PRKN: variants seen among roughly 807,000 people sequenced by gnomAD.
The protein encoded by PRKN is parkin RBR E3 ubiquitin protein ligase, also known as E3 ubiquitin-protein ligase parkin.
A neutral mutation model predicts 59.5 loss-of-function variants in PRKN; 56 were observed. That is an observed-to-expected ratio of 0.94 (90% CI 0.76 to 1.18). The LOEUF (loss-of-function observed/expected upper bound fraction) is 1.18. PRKN is among the 50% of genes most tolerant of loss of function. The pLI, the probability that PRKN is intolerant of heterozygous loss-of-function variation, is 0.00. For synonymous variants in PRKN, 250 were observed against 222.1 expected (o/e 1.13, Z -1.12); for missense variants, 657 against 596.4 (o/e 1.10, Z -1.06).
At chr6:162,486,835 C>T (rs945255524) in intron 1 of PRKN, among the ~76,000 whole-genome samples, 18 of 152,074 alleles carry the variant, frequency 1.2e-4, no homozygotes, top group South Asian at 2.1e-4. Flanking sequence ...ATTGGGAGGC[C>T]GAGGTGGGTG....
chr6:161,844,374 C>T (rs1033038589), intron 6 of PRKN, among the ~76,000 whole-genome samples: 4 of 152,176 alleles, frequency 2.6e-5, no homozygotes, highest in South Asian at 4.2e-4. Context: ...GTTGATTATC[C>T]GGTTTGTTAA....
intron 1 of PRKN, among the ~76,000 whole-genome samples, chr6:162,615,892 G>C (rs981262541): frequency 3.9e-5 from 6 of 152,178 alleles, no homozygotes; most frequent in African/African-American, 1.2e-4. Context: ...CTGATCACCT[G>C]TTATCCACAT....
chr6:161,865,443 T>A (rs924304712), intron 6 of PRKN, among the ~76,000 whole-genome samples: 28 of 152,224 alleles, frequency 1.8e-4, no homozygotes, highest in East Asian at 1.7e-3. Context: ...GATTTTTTTT[T>A]ATCCAACTAT....
intron 7 of PRKN, among the ~76,000 whole-genome samples, chr6:161,610,152 C>T (rs1212577929): frequency 2.6e-5 from 4 of 152,098 alleles, no homozygotes. Context: ...CAACTCATCC[C>T]AAAAGCACTA....
intron 3 of PRKN, among the ~76,000 whole-genome samples, chr6:162,214,382 G>T (rs1010415598): frequency 6.6e-6 from 1 of 152,166 alleles, no homozygotes; most frequent in African/African-American, 2.4e-5. Context: ...TTTCTTCAGG[G>T]TTGGATGGTT....
chr6:162,082,106 T>C (rs899806600), intron 4 of PRKN, among the ~76,000 whole-genome samples: 1 of 152,124 alleles, frequency 6.6e-6, no homozygotes, highest in Admixed American at 6.5e-5. Context: ...TTGTAACTCC[T>C]ACAATTTCCA....
chr6:162,359,079 A>AAAAAAAATAT (rs57265104), intron 2 of PRKN, among the ~76,000 whole-genome samples: 1 of 83,274 alleles, frequency 1.2e-5, no homozygotes, highest in South Asian at 3.6e-4. Context: ...AAAAAAAAAA[A>AAAAAAAATAT]ATATATATAT....
At chr6:161,912,193 A>G (rs1026907994) in intron 6 of PRKN, among the ~76,000 whole-genome samples, 3 of 150,096 alleles carry the variant, frequency 2.0e-5, no homozygotes, top group African/African-American at 7.4e-5. Flanking sequence ...AAAAAAAAAA[A>G]GTTGGATGAT....
chr6:162,025,394 TCTTC>T (rs1054874800), intron 5 of PRKN, among the ~76,000 whole-genome samples: 1 of 152,138 alleles, frequency 6.6e-6, no homozygotes, highest in African/African-American at 2.4e-5. Context: ...ACTTTTGTTT[TCTTC>T]CTTCCTGTGC....
intron 9 of PRKN, among the ~76,000 whole-genome samples, chr6:161,452,911 C>T (rs1202104328): frequency 6.6e-6 from 1 of 151,698 alleles, no homozygotes; most frequent in Non-Finnish European, 1.5e-5. Flanking sequence ...AAAATACCTC[C>T]ATTCAAGTCA....
chr6:161,786,057 C>A lies in PRKN; in HGVS notation c.735-149G>T, dbSNP rs1255542566. 5.4e-6 allele frequency: 4 copies of A among 747,558 alleles called. No individual in the cohort carries two copies. The East Asian group carries it at 1.1e-4, about 20-fold the overall frequency. The allele number at this position is 747,558 out of a possible 1,614,324, so 46.3% of individuals were successfully genotyped here. On this transcript the variant is annotated intron_variant, in intron 6 of 11. Transcript: ENST00000366898. ...CTGCTAAGCATTAAGCTCATGTATA[C>A]CAACACAACATCTTAAAAATTGGAG...
intron 4 of PRKN, among the ~76,000 whole-genome samples, chr6:162,134,268 A>G (rs1013339253): frequency 6.6e-6 from 1 of 152,170 alleles, no homozygotes; most frequent in Non-Finnish European, 1.5e-5. Context: ...GTACATTTAC[A>G]ATGTCAATAA....
chr6:161,900,912 GTA>G (rs59141220), intron 6 of PRKN, among the ~76,000 whole-genome samples: 4 of 97,790 alleles, frequency 4.1e-5, no homozygotes, highest in Admixed American at 1.0e-4. Context: ...ATGTTAAATT[GTA>G]TATATATATA....
chr6:162,204,712 TTG>T (rs1389514443), intron 3 of PRKN, among the ~76,000 whole-genome samples: 2 of 124,544 alleles, frequency 1.6e-5, no homozygotes, highest in African/African-American at 5.4e-5. Context: ...TTCAGAAGTT[TTG>T]TTTTTTTTTT....
chr6:162,668,031 A>G lies in PRKN; in HGVS notation c.7+59631T>C, dbSNP rs1042035917. Among the ~76,000 whole-genome samples the G allele has an allele frequency of 2.0e-5, 3 of 152,180 alleles. 1 individual carries two copies. ...AAAAAAATCTATTTTTCTTTAAGAG[A>G]AGTGTCATATACATTTCTCAATTTA... On this transcript the variant is annotated intron_variant, in intron 1 of 11. Transcript: ENST00000366898.
intron 6 of PRKN, among the ~76,000 whole-genome samples, chr6:161,893,478 C>T (rs1777492369): frequency 6.6e-6 from 1 of 152,138 alleles, no homozygotes; most frequent in Non-Finnish European, 1.5e-5. Context: ...AGACACTGGG[C>T]TCAAACCTTA....
At chr6:162,568,922 C>T (rs768670740) in intron 1 of PRKN, 24 of 672,622 alleles carry the variant, frequency 3.6e-5, no homozygotes, top group Non-Finnish European at 5.7e-5. Context: ...ATGATGCTTA[C>T]GTGAACAAGG....
At chr6:161,786,003 G>T in intron 6 of PRKN, 95 bp from the exon 7 acceptor site, 2 of 1,246,282 alleles carry the variant, frequency 1.6e-6, no homozygotes, top group Non-Finnish European at 2.3e-6. Flanking sequence ...GGAGGGTTGT[G>T]TAGACTGTGC....
chr6:162,298,115 C>A (rs76909191), intron 2 of PRKN, among the ~76,000 whole-genome samples: 8,630 of 152,100 alleles, frequency 0.057, 323 homozygotes, highest in Middle Eastern at 0.14. Flanking sequence ...CCTGCAACCT[C>A]CAGTTGGGTT....
Sources: gnomAD v4.1 joint callset for allele counts (sites outside exome capture counted in the v4.1 genomes callset) on GRCh38, gnomAD v4.1.1 for gene constraint, MANE v1.5 for transcripts, NCBI Gene and HGNC (gene_info 2026-07-23, HGNC 2026-07-21) for gene names.